Variants in ETFRF1 observed in about 807,000 individuals in gnomAD.
The protein encoded by ETFRF1 is LYR motif containing 5.
A neutral mutation model predicts 9.0 loss-of-function variants in ETFRF1; 12 were observed. The observed-to-expected ratio is 1.34, with a 90% CI of 0.86 to 2.16. ETFRF1 has a LOEUF of 2.16. Ranked by LOEUF, ETFRF1 falls within the 30% of genes most tolerant of loss-of-function variation. ETFRF1 has a pLI of 0.00. For synonymous variants in ETFRF1, 34 were observed against 33.2 expected, an observed-to-expected ratio of 1.02 and a Z score of -0.08; for missense variants, 98 against 101.8, an observed-to-expected ratio of 0.96 and a Z score of 0.16.
chr12:25,198,738 G>A (rs973763370), intron 1 of ETFRF1, among the ~76,000 whole-genome samples: 19 of 152,202 alleles, frequency 1.2e-4, no homozygotes, highest in African/African-American at 4.1e-4. Context: ...AAGTATTAAT[G>A]TAGAAGTATT....
At chr12:25,198,071 C>A (rs1159157445) in intron 1 of ETFRF1, among the ~76,000 whole-genome samples, 1 of 152,162 alleles carries the variant, frequency 6.6e-6, no homozygotes, top group African/African-American at 2.4e-5. Context: ...GAAACACGCA[C>A]CCTGAAATTG....
At chr12:25,202,262 T>C (rs1397300929) in intron 1 of ETFRF1, among the ~76,000 whole-genome samples, 3 of 151,210 alleles carry the variant, frequency 2.0e-5, no homozygotes, top group South Asian at 4.2e-4. Context: ...CCTGCTTGCC[T>C]ATCAGAGTAA....
rs1346546407 is a variant in ETFRF1 at position 25,204,286 on chromosome 12, T to TA, written c.248dup (p.Tyr83Ter). 3 of 1,584,012 alleles carry TA rather than the reference T, an allele frequency of 1.9e-6. No individual in the cohort carries two copies. The highest frequency in any genetic ancestry group is 3.9e-5 in the Admixed American group (2 of 51,270). ...ATACAGAGCTATGAAACAACGCTATTATTCAGATACCAACAAAACTAATTG... is the reference window on the plus strand; with the variant it reads ...ATACAGAGCTATGAAACAACGCTATTAATTCAGATACCAACAAAACTAATTG... Reference protein sequence around the residue: ...RKYRAMKQRYYSDTNKTN With the variant: ...RKYRAMKQRY Residue 83 changes from tyrosine (Y) to a stop codon, truncating the protein, a stop_gained and frameshift_variant, in exon 3 of 3, where the codon TAT becomes TAAT. Transcript: ENST00000381356.
chr12:25,204,342 C>G lies in ETFRF1; in HGVS notation c.*30C>G. 1 of 1,486,410 alleles carries G rather than the reference C, an allele frequency of 6.7e-7. No individual in the cohort carries two copies. The highest frequency in any genetic ancestry group is 9.0e-7 in the Non-Finnish European group (1 of 1,108,506). 92.1% of individuals were successfully genotyped at this position (1,486,410 alleles called of 1,614,324 possible). A position where few individuals can be genotyped will look rare whatever the true frequency, so the allele number is the denominator to read the frequency against. On this transcript the variant is annotated 3_prime_UTR_variant, in exon 3 of 3. Coordinates refer to ENST00000381356, the MANE Select transcript of ETFRF1 (RefSeq NM_001001660.3). The stretch of plus-strand genomic sequence containing the variant: ...TACTACTTTAATTTAGCTATCAGTG[C>G]CAGCTGTTTATGTATACCAGATGTT...
intron 1 of ETFRF1, among the ~76,000 whole-genome samples, chr12:25,201,622 T>C (rs951229975): frequency 6.6e-6 from 1 of 152,224 alleles, no homozygotes; most frequent in Non-Finnish European, 1.5e-5. Context: ...TCATATTTTA[T>C]GCAGTTTCTA....
rs1555191643 is a variant in ETFRF1 at position 25,204,282 on chromosome 12, C to CTAT, written c.248_250dup (p.Tyr83dup). The CTAT allele has an allele frequency of 1.2e-5, 19 of 1,584,526 alleles. No homozygotes were observed. The highest frequency in any genetic ancestry group is 1.6e-5 in the Non-Finnish European group (19 of 1,171,158). Reference sequence around the variant, plus strand: ...GGAAATACAGAGCTATGAAACAACGCTATTATTCAGATACCAACAAAACTA... The same window carrying CTAT: ...GGAAATACAGAGCTATGAAACAACGCTATTATTATTCAGATACCAACAAAACTA... On this transcript the variant is annotated inframe_insertion, in exon 3 of 3. Transcript: ENST00000381356.
chr12:25,204,033 T>C (rs1267355313), intron 2 of ETFRF1, 26 bp downstream of exon 2: 2 of 1,525,588 alleles, frequency 1.3e-6, no homozygotes, highest in African/African-American at 2.8e-5. Flanking sequence ...GCCAATTTTA[T>C]AAAAATGTTA....
At chr12:25,197,784 T>C (rs1951042235) in intron 1 of ETFRF1, among the ~76,000 whole-genome samples, 1 of 152,138 alleles carries the variant, frequency 6.6e-6, no homozygotes, top group Non-Finnish European at 1.5e-5. Context: ...GAATCATTCT[T>C]AGTAAGATTA....
In ETFRF1 at chr12:25,203,970, ATTCT is replaced by A. The variant is rs1435270525; in HGVS notation, c.17_20del (p.Ser6Ter). The A allele has an allele frequency of 1.0e-5, 15 of 1,479,054 alleles. No individual in the cohort carries two copies. Among genetic ancestry groups the A allele is most frequent in the Admixed American group, 8.2e-5 (3 of 36,412 alleles). The allele number at this position is 1,479,054 out of a possible 1,614,324, so 91.6% of individuals were successfully genotyped here. ...TTTACATGATAAATGAAAATGGCCA[ATTCT>A]TTAAGAGGAGAAGTACTAAAACTTT... On this transcript the variant is annotated frameshift_variant, in exon 2 of 3. Transcript: ENST00000381356.
rs764390607 is a variant in ETFRF1, at chr12:25,204,339, G to A, written c.*27G>A. 10 of 1,497,828 alleles carry A rather than the reference G, an allele frequency of 6.7e-6. No homozygotes were observed. In the South Asian group the frequency reaches 9.4e-5, roughly 14 times the overall value. The allele number at this position is 1,497,828 out of a possible 1,614,324, so 92.8% of individuals were successfully genotyped here. A position where few individuals can be genotyped will look rare whatever the true frequency, so the allele number is the denominator to read the frequency against. On this transcript the variant is annotated 3_prime_UTR_variant, in exon 3 of 3. Transcript: ENST00000381356. The stretch of plus-strand genomic sequence containing the variant: ...CATTACTACTTTAATTTAGCTATCA[G>A]TGCCAGCTGTTTATGTATACCAGAT...
At chr12:25,199,615 T>TACAC (rs769056865) in intron 1 of ETFRF1, among the ~76,000 whole-genome samples, 5 of 111,234 alleles carry the variant, frequency 4.5e-5, no homozygotes, top group East Asian at 2.0e-4. Flanking sequence ...CATATATGTA[T>TACAC]ACATACACAC....
intron 1 of ETFRF1, among the ~76,000 whole-genome samples, chr12:25,201,588 T>A (rs1239114156): frequency 6.6e-6 from 1 of 151,812 alleles, no homozygotes; most frequent in Non-Finnish European, 1.5e-5. Flanking sequence ...TACCCAGATG[T>A]ATATTTTACT....
At chr12:25,202,540 G>A (rs986296983) in intron 1 of ETFRF1, among the ~76,000 whole-genome samples, 5 of 152,098 alleles carry the variant, frequency 3.3e-5, no homozygotes, top group African/African-American at 1.2e-4. Flanking sequence ...AAATGGTGCA[G>A]TGTAAGTTGC....
At chr12:25,199,644 A>ACACACACACG (rs1172275511) in intron 1 of ETFRF1, among the ~76,000 whole-genome samples, 9 of 150,162 alleles carry the variant, frequency 6.0e-5, no homozygotes, top group Middle Eastern at 6.8e-3. Flanking sequence ...ACACACACAC[A>ACACACACACG]CACAATGAAG....
chr12:25,199,294 T>TAC (rs1951055349), intron 1 of ETFRF1, among the ~76,000 whole-genome samples: 1 of 148,954 alleles, frequency 6.7e-6, no homozygotes, highest in African/African-American at 2.5e-5. Flanking sequence ...ATATACTACG[T>TAC]AGTATGTACT....
At chr12:25,202,101 C>T (rs1356825932) in intron 1 of ETFRF1, among the ~76,000 whole-genome samples, 2 of 133,950 alleles carry the variant, frequency 1.5e-5, no homozygotes, top group African/African-American at 5.3e-5. Context: ...GGCGTGGTGG[C>T]GCGCACACGT....
rs767767379 is a variant in ETFRF1 at position 25,200,008 on chromosome 12, G to A, written c.-37-3912G>A. Among the ~76,000 whole-genome samples the A allele has an allele frequency of 6.8e-4, 104 of 152,088 alleles. 1 individual carries two copies. The highest frequency in any genetic ancestry group is 2.9e-4 in the Non-Finnish European group (20 of 68,012). ...GTGGATCACCTCAGGTCAGGAGTTC[G>A]AGACCAGCCTGGCCAACATGGTGAA... On this transcript the variant is annotated intron_variant, in intron 1 of 2. Coordinates refer to ENST00000381356, the MANE Select transcript of ETFRF1 (RefSeq NM_001001660.3).
chr12:25,199,275 ATATC>A (rs1419518933), intron 1 of ETFRF1, among the ~76,000 whole-genome samples: 7 of 149,112 alleles, frequency 4.7e-5, no homozygotes, highest in African/African-American at 7.3e-5. Flanking sequence ...TATACTATAT[ATATC>A]TACTATATAC....
intron 1 of ETFRF1, 52 bp downstream of exon 1, chr12:25,195,389 G>T: frequency 1.8e-6 from 1 of 561,326 alleles, no homozygotes; most frequent in Non-Finnish European, 3.2e-6. Flanking sequence ...GGATCCTGGG[G>T]TCTGGAGGCG....
Sources: allele counts gnomAD v4.1 joint callset (sites outside exome capture counted in the v4.1 genomes callset), GRCh38; gene constraint gnomAD v4.1.1; transcripts MANE v1.5; gene names NCBI Gene and HGNC (gene_info 2026-07-23, HGNC 2026-07-21).